NPHP1: variants seen among roughly 807,000 people sequenced by gnomAD.
NPHP1 encodes nephrocystin-1.
Under a neutral mutation model 90.4 loss-of-function variants are expected in NPHP1, and 70 were observed. The observed-to-expected ratio is 0.77, with a 90% CI of 0.64 to 0.95. The LOEUF is 0.95. Among genes scored for constraint, NPHP1 ranks in the 40% least tolerant of loss-of-function variants. The pLI is 0.00. For missense variants in NPHP1, 764 were observed against 795.9 expected, an observed-to-expected ratio of 0.96 and a Z score of 0.48; for synonymous variants, 256 against 271.7, an observed-to-expected ratio of 0.94 and a Z score of 0.57.
At chr2:110,184,477 T>C in intron 2 of NPHP1, 5 of 831,888 alleles carry the variant, frequency 6.0e-6, no homozygotes, top group Non-Finnish European at 9.8e-6. Flanking sequence ...TTCATCTCCA[T>C]GTAAGCTGTG....
At chr2:110,125,167 G>A in intron 19 of NPHP1, 2 of 1,521,202 alleles carry the variant, frequency 1.3e-6, no homozygotes, top group Non-Finnish European at 1.8e-6. Context: ...TCCTGGATGA[G>A]AGCAGTCAAA....
At chr2:110,147,041 T>C (rs575417164) in intron 13 of NPHP1, among the ~76,000 whole-genome samples, 1 of 152,304 alleles carries the variant, frequency 6.6e-6, no homozygotes, top group East Asian at 1.9e-4. Context: ...TAATCATATT[T>C]TGTCAAAATT....
At chr2:110,187,249 T>A (rs1057013378) in intron 2 of NPHP1, among the ~76,000 whole-genome samples, 1 of 151,496 alleles carries the variant, frequency 6.6e-6, no homozygotes, top group Non-Finnish European at 1.5e-5. Context: ...TTGAAAAAAA[T>A]TAATAAAATA....
chr2:110,154,776 A>C (rs1243100507), intron 11 of NPHP1, among the ~76,000 whole-genome samples: 6 of 152,134 alleles, frequency 3.9e-5, no homozygotes, highest in Admixed American at 1.3e-4. Flanking sequence ...TCAAGACATG[A>C]CTTGGGTGCT....
At chr2:110,178,400 AG>A (rs1683654945) in intron 4 of NPHP1, 22 bp downstream of exon 4, 2 of 1,612,330 alleles carry the variant, frequency 1.2e-6, no homozygotes, top group East Asian at 4.5e-5. Flanking sequence ...AAAAGAAAAA[AG>A]AAAGGTAGAA....
At chr2:110,159,923 T>C (rs1682181809) in intron 11 of NPHP1, among the ~76,000 whole-genome samples, 1 of 152,052 alleles carries the variant, frequency 6.6e-6, no homozygotes. Context: ...TATACACAAT[T>C]AAAACTATAA....
At chr2:110,174,624 CTAAT>C (rs917887820) in intron 4 of NPHP1, among the ~76,000 whole-genome samples, 1 of 152,024 alleles carries the variant, frequency 6.6e-6, no homozygotes, top group Non-Finnish European at 1.5e-5. Flanking sequence ...TTGTAACCTC[CTAAT>C]TAATACTCAC....
At chr2:110,193,261 C>T (rs1320180788) in intron 2 of NPHP1, among the ~76,000 whole-genome samples, 1 of 152,076 alleles carries the variant, frequency 6.6e-6, no homozygotes, top group African/African-American at 2.4e-5. Flanking sequence ...TCAGGAAACC[C>T]ATCTCATGTA....
chr2:110,193,076 G>A lies in NPHP1; in HGVS notation c.143+8345C>T, dbSNP rs188800639. ...CATGCCAGATTGTGAAGACCATCGA[G>A]GCTAGGAAGAAACTGCATCAACTAA... is the stretch of plus-strand genomic sequence containing the variant. On this transcript the variant is annotated intron_variant, in intron 2 of 19. Coordinates refer to ENST00000445609, the MANE Select transcript of NPHP1 (RefSeq NM_001128178.3). 5.4e-3 allele frequency among the ~76,000 whole-genome samples: 827 copies of A among 152,200 alleles called. 13 individuals are homozygous for A. Among genetic ancestry groups the A allele is most frequent in the African/African-American group, 0.017 (708 of 41,520 alleles).
chr2:110,178,173 G>A, intron 4 of NPHP1: 2 of 512,020 alleles, frequency 3.9e-6, no homozygotes, highest in Non-Finnish European at 6.8e-6. Flanking sequence ...TGTTCATTTA[G>A]CTTTTCAGAT....
Position 110,170,562 on chromosome 2 carries a change from C to T in NPHP1, c.330-564G>A, listed in dbSNP as rs182070385. 1.0e-3 allele frequency among the ~76,000 whole-genome samples: 153 copies of T among 152,202 alleles called. 2 individuals carry two copies. Among genetic ancestry groups the T allele is most frequent in the African/African-American group, 3.5e-3 (144 of 41,546 alleles). On this transcript the variant is annotated intron_variant, in intron 4 of 19. Transcript: ENST00000445609. ...GACACTGATGCTGTAGGTCAAGTTC[C>T]GTGTCAGAGAGATACACAGTGGACA...
intron 2 of NPHP1, among the ~76,000 whole-genome samples, chr2:110,201,213 C>T (rs1685555877): frequency 6.6e-6 from 1 of 152,134 alleles, no homozygotes. Context: ...CCCATGTCAC[C>T]TATGTTTACA....
Position 110,199,983 on chromosome 2 carries a change from C to T in NPHP1, c.143+1438G>A, listed in dbSNP as rs370660342. 1.6e-3 allele frequency among the ~76,000 whole-genome samples: 241 copies of T among 152,248 alleles called. 1 individual carries two copies. In the Middle Eastern group the frequency reaches 0.024, roughly 15 times the overall value. ...TTAAAAATAATTATTAGGGGCCGGG[C>T]GCGGTGGCTCACGCCTATAATCCCA... On this transcript the variant is annotated intron_variant, in intron 2 of 19. Transcript: ENST00000445609.
At chr2:110,129,298 T>G in intron 17 of NPHP1, 39 bp from the exon 18 acceptor site, 1 of 1,448,688 alleles carries the variant, frequency 6.9e-7, no homozygotes, top group Middle Eastern at 1.7e-4. Flanking sequence ...TATGCAAACT[T>G]CACTCAATGG....
intron 19 of NPHP1, chr2:110,125,018 A>T (rs1679248753): frequency 2.0e-6 from 1 of 506,742 alleles, no homozygotes; most frequent in East Asian, 3.3e-5. Context: ...TTTTATAGGA[A>T]AACAGTCACA....
At chr2:110,150,332 T>A in intron 11 of NPHP1, 76 bp from the exon 12 acceptor site, 1 of 1,305,278 alleles carries the variant, frequency 7.7e-7, no homozygotes, top group Non-Finnish European at 1.1e-6. Context: ...CCCAAAGAGT[T>A]AACAGTGGCT....
chr2:110,129,842 C>CA lies in NPHP1; in HGVS notation c.1643-584dup, dbSNP rs1679655387. Among the ~76,000 whole-genome samples, 4 of 152,292 alleles carry CA rather than the reference C, an allele frequency of 2.6e-5. No homozygotes were observed. The South Asian group carries it at 8.3e-4, about 32-fold the overall frequency. On this transcript the variant is annotated intron_variant, in intron 17 of 19. Coordinates refer to ENST00000445609, the MANE Select transcript of NPHP1 (RefSeq NM_001128178.3). ...TGACATTTCACAATAGATAACAGCA[C>CA]ATGAAAAATCTGTGCAAAGAAGCAC...
At chr2:110,163,357 G>C in intron 8 of NPHP1, 1 of 547,950 alleles carries the variant, frequency 1.8e-6, no homozygotes, top group South Asian at 2.1e-5. Flanking sequence ...AGCGTGCAGA[G>C]CTGTGTGTTC....
intron 3 of NPHP1, among the ~76,000 whole-genome samples, chr2:110,179,307 T>C (rs964817771): frequency 6.6e-6 from 1 of 152,100 alleles, no homozygotes; most frequent in Non-Finnish European, 1.5e-5. Flanking sequence ...ACAAAGAAAT[T>C]AAAATAAAAA....
Sources: gnomAD v4.1 joint callset for allele counts (sites outside exome capture counted in the v4.1 genomes callset) on GRCh38, gnomAD v4.1.1 for gene constraint, MANE v1.5 for transcripts, NCBI Gene and HGNC (gene_info 2026-07-23, HGNC 2026-07-21) for gene names.